The following TERF2 variants were observed in gnomAD, a reference collection of about 807,000 sequenced individuals.
TERF2 encodes telomeric repeat binding factor 2.
TERF2 carries 16 observed loss-of-function variants against 56.1 expected under a neutral mutation model. The observed-to-expected ratio is 0.29, with a 90% CI of 0.19 to 0.43. The LOEUF (loss-of-function observed/expected upper bound fraction) is 0.43, where lower values mean the gene tolerates loss of function less well. Among genes scored for constraint, TERF2 ranks in the 20% least tolerant of loss-of-function variants. TERF2 has a pLI of 1.00. For synonymous variants in TERF2, 296 were observed against 282.1 expected (o/e 1.05, Z -0.50); for missense variants, 547 against 712.9 (o/e 0.77, Z 2.65).
At chr16:69,380,203 A>G (rs991714475) in intron 3 of TERF2, among the ~76,000 whole-genome samples, 4 of 152,072 alleles carry the variant, frequency 2.6e-5, no homozygotes, top group African/African-American at 9.7e-5. Context: ...GTGAGCCACC[A>G]TGCCCTACCC....
chr16:69,374,995 G>A (rs548893309), intron 3 of TERF2, among the ~76,000 whole-genome samples: 33 of 152,272 alleles, frequency 2.2e-4, no homozygotes, highest in Middle Eastern at 3.4e-3. Flanking sequence ...CCGTAAGTGT[G>A]TAGGACTTTT....
In TERF2 at chr16:69,356,580, C is replaced by A. The variant is rs184491047; in HGVS notation, c.*318G>T. On this transcript the variant is annotated 3_prime_UTR_variant, in exon 10 of 10. Coordinates refer to ENST00000254942, the MANE Select transcript of TERF2 (RefSeq NM_005652.5). The stretch of plus-strand genomic sequence containing the variant: ...CTTTGGGAGGCCGAGTTGGGTGGAT[C>A]ACGAGGTCAGGAGATCGAGACCATC... The A allele has an allele frequency of 3.2e-4, 81 of 253,110 alleles. No homozygotes were observed. Among genetic ancestry groups the A allele is most frequent in the African/African-American group, 1.7e-3 (75 of 44,188 alleles). 15.7% of individuals were successfully genotyped at this position (253,110 alleles called of 1,614,324 possible).
intron 7 of TERF2, among the ~76,000 whole-genome samples, chr16:69,364,291 TCTCCAGC>T: frequency 6.6e-6 from 1 of 152,216 alleles, no homozygotes; most frequent in Middle Eastern, 3.4e-3. Context: ...CGGTCTCCAG[TCTCCAGC>T]CTCCCTCCCT....
intron 5 of TERF2, among the ~76,000 whole-genome samples, chr16:69,369,549 T>C (rs2013486834): frequency 6.6e-6 from 1 of 152,136 alleles, no homozygotes; most frequent in African/African-American, 2.4e-5. Context: ...CCTGCCTGCC[T>C]TGGCCTCCCA....
chr16:69,381,684 T>C (rs1284839074), intron 3 of TERF2, among the ~76,000 whole-genome samples: 1 of 152,058 alleles, frequency 6.6e-6, no homozygotes, highest in African/African-American at 2.4e-5. Context: ...TTTCACTATG[T>C]TACCCAGGCT....
chr16:69,366,961 T>C lies in TERF2; in HGVS notation c.1186A>G (p.Asn396Asp). The C allele has an allele frequency of 6.2e-7, 1 of 1,614,230 alleles. No homozygotes were observed. Among genetic ancestry groups the C allele is most frequent in the Non-Finnish European group, 8.5e-7 (1 of 1,180,040 alleles). ...AATCTGCTTATTGTCATGCGCTTGT[T>C]CTTGGGCTGCAGTTCCGAGCCACCC... Reference protein sequence around the residue: ...GEGGSELQPKNKRMTISRLVL... With the variant: ...GEGGSELQPKDKRMTISRLVL... The change falls in exon 7 of 10, where the codon AAC becomes GAC. Residue 396 changes from asparagine (N) to aspartate (D), a missense_variant. Asn to Asp is a conservative substitution (Grantham distance 23). Coordinates refer to ENST00000254942, the MANE Select transcript of TERF2 (RefSeq NM_005652.5).
intron 7 of TERF2, 172 bp downstream of exon 7, chr16:69,366,635 C>T (rs1216385878): frequency 2.4e-5 from 20 of 845,812 alleles, no homozygotes; most frequent in Admixed American, 8.9e-5. Flanking sequence ...GCTTCAGAAC[C>T]GGCAGGGATG....
Position 69,385,870 on chromosome 16 carries a change from C to A in TERF2, c.102G>T (p.Gly34=). 1 of 1,371,714 alleles carries A rather than the reference C, an allele frequency of 7.3e-7. No individual in the cohort carries two copies. The highest frequency in any genetic ancestry group is 1.7e-5 in the South Asian group (1 of 60,324). 85.0% of individuals were successfully genotyped at this position (1,371,714 alleles called of 1,614,324 possible). ...QPRKRPGREG[G]EGARRSDTMA... ...TCGTGTCCGATCGCCGCGCGCCCTC[C>A]CCGCCCTCCCGGCCGGGCCGCTTCC... Residue 34 remains glycine (G), a synonymous_variant, in exon 1 of 10, where the codon GGG becomes GGT. Coordinates refer to ENST00000254942, the MANE Select transcript of TERF2 (RefSeq NM_005652.5).
In TERF2 at chr16:69,385,925, A is replaced by T. The variant is rs1367134267; in HGVS notation, c.47T>A (p.Val16Asp). The T allele has an allele frequency of 3.6e-6, 5 of 1,380,080 alleles. No individual in the cohort carries two copies. Among genetic ancestry groups the T allele is most frequent in the Non-Finnish European group, 1.9e-6 (2 of 1,065,674 alleles). The allele number at this position is 1,380,080 out of a possible 1,614,324, so 85.5% of individuals were successfully genotyped here. A position where few individuals can be genotyped will look rare whatever the true frequency, so the allele number is the denominator to read the frequency against. The part of the protein sequence containing the change: ...GTAGPASGPG[V>D]VRDPAASQPR... ...CTGTGACGCCGCTGGGTCACGCACG[A>T]CGCCCGGGCCGGAAGCGGGGCCCGC... The change falls in exon 1 of 10, where the codon GTC becomes GAC. Residue 16 changes from valine (V) to aspartate (D), a missense_variant. Val to Asp is a radical substitution (Grantham distance 152, BLOSUM62 -3). Transcript: ENST00000254942.
At chr16:69,366,621 C>T (rs1001729168) in intron 7 of TERF2, 186 bp downstream of exon 7, 14 of 718,674 alleles carry the variant, frequency 1.9e-5, no homozygotes, top group African/African-American at 7.1e-5. Flanking sequence ...AGCCCACATG[C>T]GGGGCTTCAG....
chr16:69,363,822 C>A (rs1274476527), intron 7 of TERF2, among the ~76,000 whole-genome samples: 3 of 152,012 alleles, frequency 2.0e-5, no homozygotes, highest in Admixed American at 1.3e-4. Context: ...CAAAAATTAG[C>A]CAGGTGCGGT....
chr16:69,371,364 G>A (rs150173429), intron 4 of TERF2, among the ~76,000 whole-genome samples: 60 of 151,544 alleles, frequency 4.0e-4, no homozygotes, highest in African/African-American at 1.2e-3. Flanking sequence ...AGCCCAGCAT[G>A]GTGGCACATG....
At chr16:69,377,545 C>A (rs946484120) in intron 3 of TERF2, among the ~76,000 whole-genome samples, 8 of 152,136 alleles carry the variant, frequency 5.3e-5, no homozygotes, top group African/African-American at 1.9e-4. Context: ...CCAGGATGGT[C>A]TCGATCTCTT....
At chr16:69,371,802 G>A (rs955762750) in intron 4 of TERF2, among the ~76,000 whole-genome samples, 13 of 152,068 alleles carry the variant, frequency 8.5e-5, no homozygotes, top group African/African-American at 3.1e-4. Flanking sequence ...GCAACAAAGC[G>A]AGACTCTGCC....
At chr16:69,377,627 A>G (rs549757211) in intron 3 of TERF2, among the ~76,000 whole-genome samples, 10 of 152,252 alleles carry the variant, frequency 6.6e-5, no homozygotes, top group African/African-American at 2.4e-4. Context: ...AGCATTTTAC[A>G]ATTTTCCATA....
chr16:69,360,338 TCGCA>T (rs1330476496), intron 8 of TERF2, among the ~76,000 whole-genome samples: 1 of 150,700 alleles, frequency 6.6e-6, no homozygotes, highest in Non-Finnish European at 1.5e-5. Flanking sequence ...TGAGCCGAGA[TCGCA>T]CCATTGCACT....
Position 69,355,782 on chromosome 16 carries a change from G to T in TERF2, c.*1116C>A, listed in dbSNP as rs962551071. ...AAGACACGAACACAGCACAATTAGG[G>T]AATCAGGAGGAAGCAACCATTTCAC... is the stretch of plus-strand genomic sequence containing the variant. On this transcript the variant is annotated 3_prime_UTR_variant, in exon 10 of 10. Transcript: ENST00000254942. 3 of 161,306 alleles carry T rather than the reference G, an allele frequency of 1.9e-5. No individual in the cohort carries two copies. Among genetic ancestry groups the T allele is most frequent in the African/African-American group, 7.2e-5 (3 of 41,528 alleles). 10.0% of individuals were successfully genotyped at this position (161,306 alleles called of 1,614,324 possible).
chr16:69,370,558 T>C lies in TERF2; in HGVS notation c.765A>G (p.Ser255=), dbSNP rs552295163. 3 of 1,614,094 alleles carry C rather than the reference T, an allele frequency of 1.9e-6. No homozygotes were observed. The highest frequency in any genetic ancestry group is 2.2e-5 in the East Asian group (1 of 44,896). The change falls in exon 5 of 10, where the codon TCA becomes TCG. Residue 255 remains serine, a synonymous_variant. Coordinates refer to ENST00000254942, the MANE Select transcript of TERF2 (RefSeq NM_005652.5). ...GCATCTTCTGCTGGAAGGTCTCATATGAAAAGTTCTGGATAACAGGATGGG... is the reference window on the plus strand; with the variant it reads ...GCATCTTCTGCTGGAAGGTCTCATACGAAAAGTTCTGGATAACAGGATGGG... ...NLAHPVIQNF[S]YETFQQKMLR...
intron 5 of TERF2, chr16:69,368,719 C>T (rs888985845): frequency 1.1e-6 from 1 of 933,194 alleles, no homozygotes; most frequent in African/African-American, 1.7e-5. Context: ...CTCTGTCGCC[C>T]AGGCTGCAGC....
Sources: gnomAD v4.1 joint callset for allele counts (sites outside exome capture counted in the v4.1 genomes callset) on GRCh38, gnomAD v4.1.1 for gene constraint, MANE v1.5 for transcripts, NCBI Gene and HGNC (gene_info 2026-07-23, HGNC 2026-07-21) for gene names.